DNASE1: variants seen among roughly 807,000 people sequenced by gnomAD.
DNASE1 encodes deoxyribonuclease 1, also known as deoxyribonuclease-1.
Under a neutral mutation model 33.9 loss-of-function variants are expected in DNASE1, and 40 were observed. The observed-to-expected ratio is 1.18, with a 90% CI of 0.92 to 1.54. The LOEUF (loss-of-function observed/expected upper bound fraction) is 1.54. Ranked by LOEUF, DNASE1 falls within the 40% of genes most tolerant of loss-of-function variation. The probability of loss-of-function intolerance (pLI) is 0.00; values close to 1 mark genes in which losing one functional copy is unlikely to be tolerated. For synonymous variants in DNASE1, 216 were observed against 160.0 expected (o/e 1.35, Z -2.64); for missense variants, 518 against 372.6 (o/e 1.39, Z -3.21).
chr16:3,625,165 G>A (rs2041466747), intron 1 of DNASE1, among the ~76,000 whole-genome samples: 1 of 152,148 alleles, frequency 6.6e-6, no homozygotes, highest in Admixed American at 6.6e-5. Flanking sequence ...AGTTAGCCAG[G>A]TGTGGTGGTG....
chr16:3,663,431 C>A, exon 10 of DNASE1: 1 of 1,614,082 alleles, frequency 6.2e-7, no homozygotes, highest in South Asian at 1.1e-5. Flanking sequence ...GACCTGGGGA[C>A]CTGTCCTCAA....
chr16:3,655,117 T>A, intron 1 of DNASE1, 73 bp downstream of exon 1: 1 of 600,714 alleles, frequency 1.7e-6, no homozygotes, highest in Non-Finnish European at 2.9e-6. Context: ...AGTCTCATCC[T>A]CCAGCAGCGA....
chr16:3,636,567 A>C (rs1467965016), intron 1 of DNASE1, among the ~76,000 whole-genome samples: 1 of 152,210 alleles, frequency 6.6e-6, no homozygotes, highest in African/African-American at 2.4e-5. Flanking sequence ...CACGCCTGTA[A>C]TCCCAACACT....
intron 1 of DNASE1, among the ~76,000 whole-genome samples, chr16:3,645,256 C>T (rs946434224): frequency 6.6e-6 from 1 of 152,174 alleles, no homozygotes; most frequent in Non-Finnish European, 1.5e-5. Context: ...TTTCTGTGGC[C>T]CCCTAGCCTT....
chr16:3,656,381 C>G (rs1055546416), intron 4 of DNASE1, among the ~76,000 whole-genome samples, 196 bp downstream of exon 4: 13 of 148,758 alleles, frequency 8.7e-5, no homozygotes, highest in African/African-American at 3.0e-4. Flanking sequence ...GCCCTCCTGT[C>G]GCCTGGGTCC....
upstream of DNASE1, chr16:3,653,104 TCCTC>T (rs1463663071): frequency 6.6e-6 from 1 of 152,150 alleles, no homozygotes; most frequent in Non-Finnish European, 1.5e-5. Flanking sequence ...GATAAGGACA[TCCTC>T]CCTGCTCTCT....
intron 1 of DNASE1, among the ~76,000 whole-genome samples, chr16:3,643,462 T>C (rs2042080116): frequency 6.6e-6 from 1 of 152,224 alleles, no homozygotes; most frequent in South Asian, 2.1e-4. Context: ...AAGCCACAGC[T>C]GGGCTGTTCT....
chr16:3,612,598 G>C (rs1258030758), intron 1 of DNASE1, among the ~76,000 whole-genome samples: 4 of 141,358 alleles, frequency 2.8e-5, no homozygotes, highest in South Asian at 2.3e-4. Flanking sequence ...GGGCGGGGGG[G>C]GGAGTCTCAC....
Position 3,634,035 on chromosome 16 carries a change from C to A in DNASE1, c.-1358-6680C>A, listed in dbSNP as rs1016930407. Among the ~76,000 whole-genome samples, 8 of 151,870 alleles carry A rather than the reference C, an allele frequency of 5.3e-5. No individual in the cohort carries two copies. The South Asian group carries it at 1.0e-3, about 20-fold the overall frequency. On this transcript the variant is annotated intron_variant and NMD_transcript_variant, in intron 1 of 11. Transcript: ENST00000570769. ...CCATGTTGGCCAGGATGGTCTCGATCTCCTGACCTCGTGATCCGCCCGTCT... is the reference window on the plus strand; with the variant it reads ...CCATGTTGGCCAGGATGGTCTCGATATCCTGACCTCGTGATCCGCCCGTCT...
chr16:3,653,913 A>C (rs554671779), upstream of DNASE1: 331 of 149,846 alleles, frequency 2.2e-3, 1 homozygote, highest in Non-Finnish European at 3.8e-3. Flanking sequence ...GTTCAAGACC[A>C]GTCTGGACAA....
At chr16:3,661,036 T>C (rs145830400), downstream of DNASE1, 41 of 152,286 alleles carry the variant, frequency 2.7e-4, no homozygotes, top group African/African-American at 9.9e-4. Flanking sequence ...AACTTCATTT[T>C]TTAAAAAATT....
At chr16:3,655,089 G>A (rs1026976992) in intron 1 of DNASE1, 45 bp downstream of exon 1, 3 of 591,070 alleles carry the variant, frequency 5.1e-6, no homozygotes, top group Non-Finnish European at 9.0e-6. Context: ...CCGGTTTGGA[G>A]CAGGGAGGGA....
chr16:3,663,928 T>G (rs2050757331), exon 10 of DNASE1: 1 of 356,782 alleles, frequency 2.8e-6, no homozygotes, highest in Non-Finnish European at 5.2e-6. Context: ...CTGGGTGTGG[T>G]GGTGTGCACC....
At chr16:3,663,563 C>G (rs1410355261) in exon 10 of DNASE1, 2 of 1,613,636 alleles carry the variant, frequency 1.2e-6, no homozygotes, top group African/African-American at 1.3e-5. Context: ...AGAAGAGAAC[C>G]TGCAGGTGGC....
chr16:3,663,945 C>T, exon 10 of DNASE1: 1 of 347,754 alleles, frequency 2.9e-6, no homozygotes, highest in South Asian at 4.0e-5. Flanking sequence ...CACCTGTAGT[C>T]CCAGCTACTC....
upstream of DNASE1, among the ~76,000 whole-genome samples, chr16:3,642,263 T>G (rs1224079798): frequency 2.6e-5 from 4 of 152,348 alleles, no homozygotes; most frequent in African/African-American, 9.6e-5. Flanking sequence ...CTCTGACAGA[T>G]GCCTTAGTCC....
At chr16:3,658,762 C>T (rs2042880145), downstream of DNASE1, 2 of 1,603,910 alleles carry the variant, frequency 1.2e-6, no homozygotes, top group African/African-American at 1.3e-5. Flanking sequence ...TAGCCTGGGT[C>T]CCTGCAGTCA....
chr16:3,655,590 C>G (rs917359170), intron 2 of DNASE1, 70 bp downstream of exon 2: 24 of 1,606,232 alleles, frequency 1.5e-5, no homozygotes, highest in Non-Finnish European at 2.0e-5. Context: ...GCAGGGCCAG[C>G]CCTATGGAGC....
chr16:3,630,232 G>A (rs1424894085), intron 1 of DNASE1, among the ~76,000 whole-genome samples: 3 of 152,080 alleles, frequency 2.0e-5, no homozygotes, highest in Non-Finnish European at 4.4e-5. Context: ...CCAGACTGGA[G>A]TGCAGTTGCG....
Sources: gnomAD v4.1 joint callset for allele counts (sites outside exome capture counted in the v4.1 genomes callset) on GRCh38, gnomAD v4.1.1 for gene constraint, MANE v1.5 for transcripts, NCBI Gene and HGNC (gene_info 2026-07-23, HGNC 2026-07-21) for gene names.